Variants in BRD10 observed in about 807,000 individuals in gnomAD.
BRD10 encodes uncharacterized bromodomain-containing protein 10.
At chr9:5,904,885 T>C in the BRD10 span, among the ~76,000 whole-genome samples, 1 of 152,012 alleles carries the variant, frequency 6.6e-6, no homozygotes, top group Non-Finnish European at 1.5e-5. Flanking sequence ...GCCATTCTCC[T>C]GACTCAGCCT....
the BRD10 span, chr9:5,923,037 A>C: frequency 6.2e-7 from 1 of 1,613,908 alleles, no homozygotes; most frequent in Non-Finnish European, 8.5e-7. Context: ...GAGGCAAATG[A>C]CTCTGGAAAT....
At chr9:5,917,723 C>T in the BRD10 span, among the ~76,000 whole-genome samples, 1 of 152,162 alleles carries the variant, frequency 6.6e-6, no homozygotes, top group South Asian at 2.1e-4. Flanking sequence ...TATGGTGGTG[C>T]ACACCTGTAA....
chr9:5,930,377 A>ATACATATATATATATATATG, the BRD10 span, among the ~76,000 whole-genome samples: 4 of 148,356 alleles, frequency 2.7e-5, no homozygotes, highest in African/African-American at 9.9e-5. Context: ...GATTATATAT[A>ATACATATATATATATATATG]TATATATATA....
the BRD10 span, among the ~76,000 whole-genome samples, chr9:6,003,305 A>C: frequency 6.6e-6 from 1 of 152,186 alleles, no homozygotes; most frequent in Non-Finnish European, 1.5e-5. Context: ...AATATTCTTA[A>C]AGTTTTCAAA....
the BRD10 span, among the ~76,000 whole-genome samples, chr9:5,915,032 A>C: frequency 1.3e-5 from 2 of 152,238 alleles, no homozygotes; most frequent in Non-Finnish European, 2.9e-5. Flanking sequence ...TAAATTTATT[A>C]GTATTTTTAT....
At chr9:5,931,238 A>G in the BRD10 span, among the ~76,000 whole-genome samples, 1 of 152,184 alleles carries the variant, frequency 6.6e-6, no homozygotes, top group Non-Finnish European at 1.5e-5. Context: ...AAGGACTAGC[A>G]GTATTGTGGC....
the BRD10 span, chr9:6,007,840 G>A: frequency 1.9e-5 from 26 of 1,392,034 alleles, no homozygotes; most frequent in Non-Finnish European, 2.4e-5. Context: ...AGGTGCTGGG[G>A]GACGCGTGAG....
chr9:5,889,987 C>T, the BRD10 span, among the ~76,000 whole-genome samples: 1 of 152,148 alleles, frequency 6.6e-6, no homozygotes. Context: ...ACAGAGAACT[C>T]ATGGAGCTCA....
At chr9:5,921,015 A>C in the BRD10 span, 2 of 1,613,982 alleles carry the variant, frequency 1.2e-6, no homozygotes, top group Non-Finnish European at 1.7e-6. Flanking sequence ...GAACCCAAAG[A>C]TAAATTTGCT....
At chr9:5,931,791 C>T in the BRD10 span, among the ~76,000 whole-genome samples, 1 of 152,108 alleles carries the variant, frequency 6.6e-6, no homozygotes, top group African/African-American at 2.4e-5. Flanking sequence ...ATAATGACCA[C>T]AACAAAGGGC....
the BRD10 span, among the ~76,000 whole-genome samples, chr9:5,984,449 C>T: frequency 3.0e-4 from 45 of 151,852 alleles, 1 homozygote; most frequent in African/African-American, 9.4e-4. Context: ...AATAAAACAA[C>T]GAGGCAGAGC....
the BRD10 span, chr9:6,008,171 G>A: frequency 2.8e-3 from 2,678 of 972,142 alleles, 5 homozygotes; most frequent in Non-Finnish European, 3.1e-3. Flanking sequence ...CCAGCGGGGG[G>A]CTGGGAGGGG....
the BRD10 span, among the ~76,000 whole-genome samples, chr9:5,895,436 A>C: frequency 1.3e-5 from 2 of 151,952 alleles, no homozygotes; most frequent in Non-Finnish European, 2.9e-5. Context: ...ACAATGGGGC[A>C]ATCTTCATTA....
chr9:5,973,900 C>G, the BRD10 span, among the ~76,000 whole-genome samples: 4 of 152,012 alleles, frequency 2.6e-5, no homozygotes, highest in African/African-American at 9.7e-5. Context: ...CAAAACAAAA[C>G]AAAAGCAAGA....
chr9:5,888,674 G>A, the BRD10 span, among the ~76,000 whole-genome samples: 6 of 152,190 alleles, frequency 3.9e-5, no homozygotes, highest in Non-Finnish European at 8.8e-5. Context: ...ACTGGAAGTT[G>A]ACAACGACCA....
the BRD10 span, among the ~76,000 whole-genome samples, chr9:5,929,882 T>C: frequency 6.6e-6 from 1 of 152,148 alleles, no homozygotes; most frequent in Non-Finnish European, 1.5e-5. Context: ...CTTAAGGTCC[T>C]ATAACTTAAA....
At chr9:6,005,739 T>A in the BRD10 span, among the ~76,000 whole-genome samples, 1 of 152,200 alleles carries the variant, frequency 6.6e-6, no homozygotes, top group African/African-American at 2.4e-5. Context: ...GAATGGATTG[T>A]TTTTTATGTG....
At chr9:5,927,442 A>C in the BRD10 span, among the ~76,000 whole-genome samples, 1 of 151,438 alleles carries the variant, frequency 6.6e-6, no homozygotes, top group African/African-American at 2.4e-5. Context: ...AACAAAACAC[A>C]CTCTCTTAAC....
At chr9:5,940,030 T>G in the BRD10 span, among the ~76,000 whole-genome samples, 7 of 152,226 alleles carry the variant, frequency 4.6e-5, no homozygotes, top group Admixed American at 6.5e-5. Context: ...GTACACCCTT[T>G]GGTTAGGTAA....
Sources: allele counts gnomAD v4.1 joint callset (sites outside exome capture counted in the v4.1 genomes callset), GRCh38; gene constraint gnomAD v4.1.1; transcripts MANE v1.5; gene names NCBI Gene and HGNC (gene_info 2026-07-23, HGNC 2026-07-21).